CDH12: variants seen among roughly 807,000 people sequenced by gnomAD.
CDH12 encodes cadherin 12.
CDH12 carries 41 observed loss-of-function variants against 74.1 expected under a neutral mutation model. That is an observed-to-expected ratio of 0.55 (90% CI 0.43 to 0.72). The LOEUF is 0.72. Ranked by LOEUF, CDH12 falls within the 30% of genes least tolerant of loss-of-function variation. CDH12 has a pLI of 0.00. For synonymous variants in CDH12, 399 were observed against 355.0 expected, an observed-to-expected ratio of 1.12 and a Z score of -1.39; for missense variants, 945 against 977.2, an observed-to-expected ratio of 0.97 and a Z score of 0.44.
rs1349585762 is a variant in CDH12, at chr5:21,833,202, A to AT, written c.814+8958dup. ...ATATATTATATAACATATAATATAT[A>AT]TATTATAATATATATTATATGTTAT... On this transcript the variant is annotated intron_variant, in intron 8 of 14. Coordinates refer to ENST00000382254, the MANE Select transcript of CDH12 (RefSeq NM_004061.5). Among the ~76,000 whole-genome samples, 3 of 43,984 alleles carry AT rather than the reference A, an allele frequency of 6.8e-5. 1 individual carries two copies. The highest frequency in any genetic ancestry group is 7.5e-4 in the Admixed American group (2 of 2,674). 28.9% of individuals were successfully genotyped at this position (43,984 alleles called of 152,430 possible). A position where few individuals can be genotyped will look rare whatever the true frequency, so the allele number is the denominator to read the frequency against.
chr5:22,405,387 G>T, intron 2 of CDH12, 36 bp from the exon 3 acceptor site: 1 of 503,942 alleles, frequency 2.0e-6, no homozygotes, highest in Non-Finnish European at 2.6e-6. Context: ...TTAAGAATAT[G>T]CAAGACTCTC....
chr5:22,342,629 TA>T (rs563402885), intron 3 of CDH12, among the ~76,000 whole-genome samples: 63,957 of 144,962 alleles, frequency 0.44, 14,113 homozygotes, highest in South Asian at 0.6. Flanking sequence ...TTTCCTTTTC[TA>T]TTTCTTTCTC....
At chr5:22,726,870 T>C (rs544691571) in intron 1 of CDH12, among the ~76,000 whole-genome samples, 151 of 151,934 alleles carry the variant, frequency 9.9e-4, no homozygotes, top group African/African-American at 3.6e-3. Flanking sequence ...GGATTATATA[T>C]TCAAATAAAA....
Position 22,520,992 on chromosome 5 carries a change from T to C in CDH12, c.-522-15628A>G, listed in dbSNP as rs541334190. Among the ~76,000 whole-genome samples the C allele has an allele frequency of 6.9e-5, 7 of 101,768 alleles. No individual in the cohort carries two copies. In the East Asian group the frequency reaches 3.0e-3, roughly 43 times the overall value. The allele number at this position is 101,768 out of a possible 152,430, so 66.8% of individuals were successfully genotyped here. A position where few individuals can be genotyped will look rare whatever the true frequency, so the allele number is the denominator to read the frequency against. On this transcript the variant is annotated intron_variant, in intron 1 of 14. Transcript: ENST00000382254. ...CTTGCTCCCCTTCTTTCTTTCTTTC[T>C]TTTTTTTTTTGTCTTAGTAAAGCGT...
chr5:21,880,564 CTTCT>C (rs1314198058), intron 6 of CDH12, among the ~76,000 whole-genome samples: 398 of 14,456 alleles, frequency 0.028, 35 homozygotes, highest in Middle Eastern at 0.083. Flanking sequence ...CCTTCCTTCC[CTTCT>C]TTCTTTCCTT....
Position 21,842,192 on chromosome 5 carries a change from A to G in CDH12, c.783T>C (p.Asp261=), listed in dbSNP as rs751337261. ...GGAATCGAGGTGGATTGTCATTGAC[A>G]TCGGTGAGAGTGATGTTGACTATTG... ...GTTIVNITLT[D]VNDNPPRFPK... The change falls in exon 8 of 15, where the codon GAT becomes GAC. Residue 261 remains aspartate (D), a synonymous_variant. Transcript: ENST00000382254. 4 of 1,612,634 alleles carry G rather than the reference A, an allele frequency of 2.5e-6. No individual in the cohort carries two copies. Among genetic ancestry groups the G allele is most frequent in the Admixed American group, 1.7e-5 (1 of 59,778 alleles).
At chr5:22,618,848 A>G (rs7735795) in intron 1 of CDH12, among the ~76,000 whole-genome samples, 22,378 of 151,860 alleles carry the variant, frequency 0.15, 2,153 homozygotes, top group Admixed American at 0.33. Context: ...TGCTCTCATG[A>G]TAGTGAGTAA....
chr5:22,533,499 T>C (rs1737685751), intron 1 of CDH12, among the ~76,000 whole-genome samples: 2 of 152,206 alleles, frequency 1.3e-5, no homozygotes, highest in African/African-American at 4.8e-5. Flanking sequence ...CTTGAATAAG[T>C]CATTAAATCT....
intron 1 of CDH12, among the ~76,000 whole-genome samples, chr5:22,654,337 T>G (rs1035978260): frequency 6.6e-5 from 10 of 152,000 alleles, no homozygotes; most frequent in African/African-American, 2.2e-4. Flanking sequence ...TCACCCAGGC[T>G]GGAGTGCAAT....
chr5:22,016,637 C>T (rs1355427579), intron 5 of CDH12, among the ~76,000 whole-genome samples: 3 of 152,028 alleles, frequency 2.0e-5, no homozygotes, highest in East Asian at 1.9e-4. Context: ...CTGCCCTCCT[C>T]AGCCTCCCAA....
chr5:22,310,861 C>T (rs1327161438), intron 3 of CDH12, among the ~76,000 whole-genome samples: 1 of 152,156 alleles, frequency 6.6e-6, no homozygotes, highest in Non-Finnish European at 1.5e-5. Context: ...AGGGCAAAGT[C>T]ACCCTTACTC....
chr5:22,664,256 C>T (rs1040984144), intron 1 of CDH12, among the ~76,000 whole-genome samples: 1 of 152,074 alleles, frequency 6.6e-6, no homozygotes, highest in African/African-American at 2.4e-5. Context: ...TACAGAATTG[C>T]CCGATACTGG....
rs998898236 is a variant in CDH12, at chr5:22,262,644, C to T, written c.-332-50001G>A. On this transcript the variant is annotated intron_variant, in intron 3 of 14. Transcript: ENST00000382254. ...GGGTATATACCCAGTAATGGGATGG[C>T]TGGGTCAAATGGTATTTCTAGTTCT... Among the ~76,000 whole-genome samples, 7 of 151,104 alleles carry T rather than the reference C, an allele frequency of 4.6e-5. No homozygotes were observed. In the East Asian group the frequency reaches 1.4e-3, roughly 30 times the overall value.
intron 1 of CDH12, among the ~76,000 whole-genome samples, chr5:22,669,341 T>C (rs974384527): frequency 4.6e-5 from 7 of 152,142 alleles, no homozygotes; most frequent in Non-Finnish European, 8.8e-5. Flanking sequence ...AATTCAAAAT[T>C]AGAGATACTG....
chr5:21,811,735 A>T (rs1747757703), intron 9 of CDH12, among the ~76,000 whole-genome samples: 1 of 114,700 alleles, frequency 8.7e-6, no homozygotes. Context: ...CAGTTTTCTC[A>T]GAGTGGTAGG....
chr5:22,736,124 C>T (rs1247644636), intron 1 of CDH12, among the ~76,000 whole-genome samples: 2 of 151,788 alleles, frequency 1.3e-5, no homozygotes, highest in African/African-American at 2.4e-5. Context: ...TAGTCCAAAT[C>T]ATCGTTATAG....
At chr5:22,846,030 A>G (rs990264990) in intron 1 of CDH12, among the ~76,000 whole-genome samples, 2 of 152,126 alleles carry the variant, frequency 1.3e-5, no homozygotes, top group Admixed American at 6.6e-5. Flanking sequence ...TGGGTTGAAG[A>G]CATATTTAGA....
chr5:22,305,832 T>C (rs1738083827), intron 3 of CDH12, among the ~76,000 whole-genome samples: 2 of 152,218 alleles, frequency 1.3e-5, no homozygotes, highest in African/African-American at 4.8e-5. Context: ...CCCTTACAGC[T>C]TTGCTGCGAC....
intron 2 of CDH12, among the ~76,000 whole-genome samples, chr5:22,475,808 CA>C (rs1746141400): frequency 6.6e-6 from 1 of 151,942 alleles, no homozygotes; most frequent in South Asian, 2.1e-4. Context: ...ATTCTAAATG[CA>C]AATTTTGAAT....
Sources: gnomAD v4.1 joint callset for allele counts (sites outside exome capture counted in the v4.1 genomes callset) on GRCh38, gnomAD v4.1.1 for gene constraint, MANE v1.5 for transcripts, NCBI Gene and HGNC (gene_info 2026-07-23, HGNC 2026-07-21) for gene names.